FARP1: variants seen among roughly 807,000 people sequenced by gnomAD.
The protein encoded by FARP1 is FERM, ARHGEF and pleckstrin domain-containing protein 1.
A neutral mutation model predicts 128.8 loss-of-function variants in FARP1; 52 were observed. The observed-to-expected ratio is 0.40, with a 90% confidence interval of 0.32 to 0.51. The LOEUF is 0.51. Among genes scored for constraint, FARP1 ranks in the 20% least tolerant of loss-of-function variants. The pLI, the probability that FARP1 is intolerant of heterozygous loss-of-function variation, is 0.45. For synonymous variants in FARP1, 580 were observed against 551.8 expected, an observed-to-expected ratio of 1.05 and a Z score of -0.72; for missense variants, 1,333 against 1,367.9, an observed-to-expected ratio of 0.97 and a Z score of 0.40.
At chr13:98,420,491 G>A (rs1435073044) in intron 16 of FARP1, among the ~76,000 whole-genome samples, 1 of 152,206 alleles carries the variant, frequency 6.6e-6, no homozygotes, top group East Asian at 1.9e-4. Context: ...TTTGATACGA[G>A]GTCAGGAAGA....
chr13:98,207,908 C>CCCCACACACACA (rs1555327643), intron 1 of FARP1, among the ~76,000 whole-genome samples: 1 of 71,574 alleles, frequency 1.4e-5, no homozygotes, highest in Non-Finnish European at 2.5e-5. Flanking sequence ...ACCACCACCT[C>CCCCACACACACA]CACACACACA....
At chr13:98,276,124 C>T (rs17455303) in intron 2 of FARP1, among the ~76,000 whole-genome samples, 24,562 of 152,122 alleles carry the variant, frequency 0.16, 2,165 homozygotes, top group Non-Finnish European at 0.19. Context: ...GCCTGGCTAT[C>T]CCTGAGGGCT....
intron 5 of FARP1, among the ~76,000 whole-genome samples, chr13:98,371,385 A>G (rs182750566): frequency 3.4e-4 from 52 of 152,244 alleles, no homozygotes; most frequent in Non-Finnish European, 2.9e-4. Flanking sequence ...GTACATTGCC[A>G]GCTCCTCTGT....
chr13:98,396,136 G>A, intron 13 of FARP1: 1 of 399,226 alleles, frequency 2.5e-6, no homozygotes, highest in East Asian at 3.6e-5. Flanking sequence ...TGGGCTTGGT[G>A]GCCGTGGGAA....
At chr13:98,311,355 GA>G (rs1317828575) in intron 2 of FARP1, among the ~76,000 whole-genome samples, 1 of 152,158 alleles carries the variant, frequency 6.6e-6, no homozygotes, top group Non-Finnish European at 1.5e-5. Context: ...TCTCCCAAAG[GA>G]AAGCAGTTGC....
intron 2 of FARP1, among the ~76,000 whole-genome samples, chr13:98,247,550 A>G (rs1306810014): frequency 6.6e-6 from 1 of 152,178 alleles, no homozygotes; most frequent in Non-Finnish European, 1.5e-5. Context: ...AGAGAGAGCT[A>G]TTTGAACTAA....
intron 16 of FARP1, among the ~76,000 whole-genome samples, chr13:98,417,720 T>G (rs1472381457): frequency 6.6e-6 from 1 of 152,154 alleles, no homozygotes; most frequent in Non-Finnish European, 1.5e-5. Context: ...GTCAGGAGTT[T>G]CACAGAGGGA....
At chr13:98,322,728 T>C (rs1258879283) in intron 2 of FARP1, among the ~76,000 whole-genome samples, 4 of 152,236 alleles carry the variant, frequency 2.6e-5, no homozygotes, top group African/African-American at 9.6e-5. Flanking sequence ...CCGAGGACTT[T>C]CTGGTACTGT....
chr13:98,180,834 C>G (rs1484661204), intron 1 of FARP1, among the ~76,000 whole-genome samples: 4 of 152,132 alleles, frequency 2.6e-5, no homozygotes, highest in Non-Finnish European at 5.9e-5. Context: ...GCTGTCTTCA[C>G]TTGATAAGTA....
rs1331951308 is a variant in FARP1 at position 98,379,036 on chromosome 13, T to C, written c.496+1118T>C. 7.0e-5 allele frequency among the ~76,000 whole-genome samples: 6 copies of C among 86,180 alleles called. 2 individuals carry two copies. Among genetic ancestry groups the C allele is most frequent in the African/African-American group, 4.4e-4 (6 of 13,614 alleles). The allele number at this position is 86,180 out of a possible 152,430, so 56.5% of individuals were successfully genotyped here. On this transcript the variant is annotated intron_variant, in intron 6 of 26. Transcript: ENST00000319562. ...TAATCTATATATAATATATATAATA[T>C]ATACAATATGTAATCTATATATAAT...
At chr13:98,277,464 A>G (rs1490473484) in intron 2 of FARP1, among the ~76,000 whole-genome samples, 1 of 152,150 alleles carries the variant, frequency 6.6e-6, no homozygotes, top group Non-Finnish European at 1.5e-5. Flanking sequence ...GGCTTTAGAA[A>G]GAAATATATT....
chr13:98,317,644 G>A (rs923445225), intron 2 of FARP1, among the ~76,000 whole-genome samples: 3 of 152,184 alleles, frequency 2.0e-5, no homozygotes, highest in Non-Finnish European at 4.4e-5. Flanking sequence ...GTCTTTTGCT[G>A]TAAGTGGCTC....
At chr13:98,198,891 C>CCCGCTCCCCGCTCCCG (rs1879748670) in intron 1 of FARP1, among the ~76,000 whole-genome samples, 1 of 124,518 alleles carries the variant, frequency 8.0e-6, no homozygotes, top group African/African-American at 3.4e-5. Context: ...CTCAACCCTC[C>CCCGCTCCCCGCTCCCG]CTGCTCCGCT....
chr13:98,322,563 G>T (rs1423580858), intron 2 of FARP1, among the ~76,000 whole-genome samples: 3 of 125,824 alleles, frequency 2.4e-5, no homozygotes, highest in African/African-American at 8.9e-5. Context: ...TTAGCCGTCA[G>T]TGCTCCTTAG....
rs1880855821 is a variant in FARP1 at position 98,213,423 on chromosome 13, G to C, written c.171+10G>C. 1.9e-6 allele frequency: 3 copies of C among 1,612,234 alleles called. No homozygotes were observed. In the South Asian group the frequency reaches 3.3e-5, roughly 18 times the overall value. On this transcript the variant is annotated intron_variant, in intron 2 of 26. Transcript: ENST00000319562. ...GGCATTTGAAGTTCCAGTAAGTTGG[G>C]GGCTTATCTGTAACCCAGGAGTGTG...
rs143200542 is a variant in FARP1 at position 98,179,612 on chromosome 13, C to T, written c.-23-33608C>T. On this transcript the variant is annotated intron_variant, in intron 1 of 26. Coordinates refer to ENST00000319562, the MANE Select transcript of FARP1 (RefSeq NM_005766.4). The stretch of plus-strand genomic sequence containing the variant: ...TGGCATGGTGGCTCACACCTATAAT[C>T]CCAGCACTTTGGGAGGCTGAGGCAG... Among the ~76,000 whole-genome samples, 537 of 152,204 alleles carry T rather than the reference C, an allele frequency of 3.5e-3. 3 individuals are homozygous for T. The highest frequency in any genetic ancestry group is 0.012 in the African/African-American group (501 of 41,530).
intron 2 of FARP1, among the ~76,000 whole-genome samples, chr13:98,216,811 T>C (rs4771296): frequency 6.6e-6 from 1 of 152,046 alleles, no homozygotes; most frequent in Non-Finnish European, 1.5e-5. Flanking sequence ...GAACTTGGAC[T>C]GTCTTTTTAG....
At chr13:98,340,296 T>C (rs946482719) in intron 2 of FARP1, among the ~76,000 whole-genome samples, 4 of 152,202 alleles carry the variant, frequency 2.6e-5, no homozygotes, top group African/African-American at 7.2e-5. Context: ...GAAACTGGAA[T>C]GTGTTCTTCC....
chr13:98,270,082 T>C (rs1284060525), intron 2 of FARP1, among the ~76,000 whole-genome samples: 1 of 152,184 alleles, frequency 6.6e-6, no homozygotes, highest in Admixed American at 6.5e-5. Flanking sequence ...TGAAAGGCTT[T>C]TGAGAATAGG....
Sources: allele counts gnomAD v4.1 joint callset (sites outside exome capture counted in the v4.1 genomes callset), GRCh38; gene constraint gnomAD v4.1.1; transcripts MANE v1.5; gene names NCBI Gene and HGNC (gene_info 2026-07-23, HGNC 2026-07-21).